The following ANXA10 variants were observed in gnomAD, a reference collection of about 807,000 sequenced individuals.
ANXA10 encodes annexin 14.
ANXA10 carries 49 observed loss-of-function variants against 53.5 expected under a neutral mutation model. That is an observed-to-expected ratio of 0.92 (90% CI 0.73 to 1.16). ANXA10 has a LOEUF of 1.16. Ranked by LOEUF, ANXA10 falls within the 50% of genes most tolerant of loss-of-function variation. The probability of loss-of-function intolerance (pLI) is 0.00; values close to 1 mark genes in which losing one functional copy is unlikely to be tolerated. For synonymous variants in ANXA10, 131 were observed against 128.9 expected (o/e 1.02, Z -0.11); for missense variants, 393 against 394.4 (o/e 1.00, Z 0.03).
chr4:168,156,396 T>TAGTATATAG (rs1560784827), intron 3 of ANXA10, among the ~76,000 whole-genome samples: 1 of 109,744 alleles, frequency 9.1e-6, no homozygotes, highest in Non-Finnish European at 1.8e-5. Flanking sequence ...ATATATTATA[T>TAGTATATAG]TATATATTAT....
At chr4:168,176,325 AG>A (rs1732126198) in intron 6 of ANXA10, among the ~76,000 whole-genome samples, 1 of 152,172 alleles carries the variant, frequency 6.6e-6, no homozygotes. Flanking sequence ...TGTCTTACTT[AG>A]GTCAGAGCCA....
chr4:168,144,587 T>A (rs911160526), intron 3 of ANXA10, among the ~76,000 whole-genome samples: 1 of 152,202 alleles, frequency 6.6e-6, no homozygotes, highest in East Asian at 1.9e-4. Flanking sequence ...AACTTTAATA[T>A]GGAATGGTCA....
At chr4:168,120,967 G>C (rs1730976734) in intron 1 of ANXA10, among the ~76,000 whole-genome samples, 1 of 151,750 alleles carries the variant, frequency 6.6e-6, no homozygotes, top group South Asian at 2.1e-4. Flanking sequence ...TGGCCCATAA[G>C]GAAAAATTCA....
chr4:168,186,777 T>C (rs1024222877), intron 11 of ANXA10, among the ~76,000 whole-genome samples: 3 of 152,212 alleles, frequency 2.0e-5, no homozygotes, highest in East Asian at 1.9e-4. Context: ...AGAGTATTTT[T>C]ATTGAATCAT....
rs540741804 is a variant in ANXA10, at chr4:168,117,696, A to G, written c.19-10388A>G. The stretch of plus-strand genomic sequence containing the variant: ...CAAAAACATCACCGAAGTTCTAAAT[A>G]GACCAAAGACTTCCAATATTAAAAT... On this transcript the variant is annotated intron_variant, in intron 1 of 11. Coordinates refer to ENST00000359299, the MANE Select transcript of ANXA10 (RefSeq NM_007193.5). Among the ~76,000 whole-genome samples, 51 of 152,376 alleles carry G rather than the reference A, an allele frequency of 3.3e-4. 1 individual carries two copies. In the South Asian group the frequency reaches 0.01, roughly 31 times the overall value.
chr4:168,161,667 TC>T (rs1166325186), intron 3 of ANXA10, among the ~76,000 whole-genome samples: 10 of 152,338 alleles, frequency 6.6e-5, no homozygotes, highest in East Asian at 5.8e-4. Flanking sequence ...ATGGCCATTT[TC>T]ATGATATTGA....
chr4:168,158,341 CT>C (rs1731724270), intron 3 of ANXA10, among the ~76,000 whole-genome samples: 1 of 152,150 alleles, frequency 6.6e-6, no homozygotes, highest in Non-Finnish European at 1.5e-5. Flanking sequence ...GGGCACAAAT[CT>C]TTTGTCAAAT....
intron 2 of ANXA10, 138 bp from the exon 3 acceptor site, chr4:168,139,348 A>G (rs1731289163): frequency 3.4e-6 from 2 of 588,024 alleles, no homozygotes; most frequent in Admixed American, 2.9e-5. Context: ...ATGATTTCCA[A>G]TTTTAGTTAA....
chr4:168,187,287 T>A (rs1171896649), intron 11 of ANXA10, 79 bp from the exon 12 acceptor site: 1 of 907,556 alleles, frequency 1.1e-6, no homozygotes, highest in African/African-American at 1.7e-5. Context: ...TCTTTCATAG[T>A]GCAGTCCAGA....
At chr4:168,153,438 A>ACC (rs1365766302) in intron 3 of ANXA10, among the ~76,000 whole-genome samples, 1 of 52,708 alleles carries the variant, frequency 1.9e-5, no homozygotes. Flanking sequence ...AAAAAAAAAA[A>ACC]AAACAAAAAC....
chr4:168,115,029 A>G (rs1730869790), intron 1 of ANXA10, among the ~76,000 whole-genome samples: 2 of 152,054 alleles, frequency 1.3e-5, no homozygotes, highest in South Asian at 2.1e-4. Flanking sequence ...TGGGACCACA[A>G]GCATATACCA....
At chr4:168,178,527 C>A (rs1339862997) in intron 8 of ANXA10, among the ~76,000 whole-genome samples, 1 of 151,924 alleles carries the variant, frequency 6.6e-6, no homozygotes, top group African/African-American at 2.4e-5. Flanking sequence ...CAACAGATGG[C>A]CTACCCTACC....
rs768002371 is a variant in ANXA10, at chr4:168,128,076, C to T, written c.19-8C>T. 1 of 1,608,986 alleles carries T rather than the reference C, an allele frequency of 6.2e-7. No homozygotes were observed. Among genetic ancestry groups the T allele is most frequent in the Non-Finnish European group, 8.5e-7 (1 of 1,176,014 alleles). On this transcript the variant is annotated splice_polypyrimidine_tract_variant and splice_region_variant and intron_variant, in intron 1 of 11. Transcript: ENST00000359299. The stretch of plus-strand genomic sequence containing the variant: ...TTACAATCACTTTCTCATTGATTTT[C>T]CCACCAGGTGCAAGGAACCATCTTC...
At chr4:168,155,054 GC>G (rs1731580315) in intron 3 of ANXA10, among the ~76,000 whole-genome samples, 1 of 151,676 alleles carries the variant, frequency 6.6e-6, no homozygotes, top group Non-Finnish European at 1.5e-5. Flanking sequence ...TTTACTGAAG[GC>G]TAGCTGTATA....
intron 3 of ANXA10, among the ~76,000 whole-genome samples, chr4:168,152,241 C>T (rs1305508399): frequency 1.3e-5 from 2 of 152,046 alleles, no homozygotes; most frequent in Non-Finnish European, 2.9e-5. Context: ...GCAGGCTTCA[C>T]TAAGAAGGCA....
chr4:168,122,931 G>A (rs1369181996), intron 1 of ANXA10, among the ~76,000 whole-genome samples: 1 of 152,122 alleles, frequency 6.6e-6, no homozygotes, highest in Non-Finnish European at 1.5e-5. Context: ...AGTTAATTTT[G>A]TGAAGGAATT....
In ANXA10 at chr4:168,138,023, G is replaced by A. The variant is rs188891664; in HGVS notation, c.101-1463G>A. Among the ~76,000 whole-genome samples, 50 of 149,450 alleles carry A rather than the reference G, an allele frequency of 3.3e-4. No homozygotes were observed. In the East Asian group the frequency reaches 8.9e-3, roughly 27 times the overall value. On this transcript the variant is annotated intron_variant, in intron 2 of 11. Coordinates refer to ENST00000359299, the MANE Select transcript of ANXA10 (RefSeq NM_007193.5). ...GTTGCCCAGGCTGGAGTGCAGTGGC[G>A]TGATCTCGGCACACTGCAACTTCCA...
At chr4:168,163,356 GATTACCA>G (rs1314509212) in intron 4 of ANXA10, among the ~76,000 whole-genome samples, 1 of 152,036 alleles carries the variant, frequency 6.6e-6, no homozygotes, top group Non-Finnish European at 1.5e-5. Context: ...CCAATGACCA[GATTACCA>G]CAATCTGTGA....
intron 3 of ANXA10, among the ~76,000 whole-genome samples, chr4:168,146,089 A>G (rs964951437): frequency 2.0e-5 from 3 of 152,060 alleles, no homozygotes; most frequent in Non-Finnish European, 4.4e-5. Flanking sequence ...TTGTATTCTC[A>G]GTAGGGACGG....
Sources: gnomAD v4.1 joint callset for allele counts (sites outside exome capture counted in the v4.1 genomes callset) on GRCh38, gnomAD v4.1.1 for gene constraint, MANE v1.5 for transcripts, NCBI Gene and HGNC (gene_info 2026-07-23, HGNC 2026-07-21) for gene names.